The following CDH13 variants were observed in gnomAD, a reference collection of about 807,000 sequenced individuals.
CDH13 encodes the protein cadherin-13.
In CDH13, 24 loss-of-function variants were observed where a neutral mutation model predicts 63.8. The ratio of observed to expected loss-of-function variants is 0.38; its 90% CI spans 0.27 to 0.53. The LOEUF (loss-of-function observed/expected upper bound fraction) is 0.53, where lower values mean the gene tolerates loss of function less well. Ranked by LOEUF, CDH13 falls within the 20% of genes least tolerant of loss-of-function variation. The probability of loss-of-function intolerance (pLI) is 0.85; values close to 1 mark genes in which losing one functional copy is unlikely to be tolerated. For synonymous variants in CDH13, 503 were observed against 355.3 expected (o/e 1.42, Z -4.67); for missense variants, 1,049 against 903.1 (o/e 1.16, Z -2.07).
At chr16:83,036,963 G>T (rs192905156) in intron 3 of CDH13, among the ~76,000 whole-genome samples, 1 of 152,272 alleles carries the variant, frequency 6.6e-6, no homozygotes, top group East Asian at 1.9e-4. Context: ...CATGTGGGCA[G>T]ACAGGATGGA....
intron 10 of CDH13, among the ~76,000 whole-genome samples, chr16:83,699,820 G>A (rs1905945998): frequency 6.6e-6 from 1 of 152,298 alleles, no homozygotes; most frequent in Non-Finnish European, 1.5e-5. Context: ...CCATCCGTCT[G>A]TATTTCTCAC....
chr16:83,114,252 G>A (rs113149954), intron 3 of CDH13, among the ~76,000 whole-genome samples: 3,259 of 152,204 alleles, frequency 0.021, 115 homozygotes, highest in African/African-American at 0.075. Context: ...CGTCCCCAAC[G>A]CCTCTGATGT....
intron 3 of CDH13, among the ~76,000 whole-genome samples, chr16:83,061,065 T>C (rs7204370): frequency 0.29 from 44,656 of 152,064 alleles, 6,620 homozygotes; most frequent in Admixed American, 0.34. Flanking sequence ...ATACGGGGAC[T>C]AAGGTATTGC....
At chr16:82,980,899 T>G (rs1476350766) in intron 2 of CDH13, among the ~76,000 whole-genome samples, 1 of 152,204 alleles carries the variant, frequency 6.6e-6, no homozygotes, top group Admixed American at 6.5e-5. Context: ...TCTTATTGGC[T>G]GCTCCCGTTG....
chr16:83,175,221 G>A (rs1003988816), intron 4 of CDH13, among the ~76,000 whole-genome samples: 1 of 152,068 alleles, frequency 6.6e-6, no homozygotes, highest in South Asian at 2.1e-4. Context: ...TAAGATATTG[G>A]CATGGATACC....
chr16:82,690,627 G>A (rs77416599), intron 1 of CDH13, among the ~76,000 whole-genome samples: 1,944 of 152,296 alleles, frequency 0.013, 38 homozygotes, highest in African/African-American at 0.045. Context: ...GATGCCCAAA[G>A]CCTTTCATAT....
intron 4 of CDH13, among the ~76,000 whole-genome samples, chr16:83,169,420 C>G (rs1215051565): frequency 6.6e-6 from 1 of 152,046 alleles, no homozygotes; most frequent in Non-Finnish European, 1.5e-5. Context: ...CATAATCTGC[C>G]TGCCTCGGCT....
chr16:83,391,943 A>G (rs1027187352), intron 6 of CDH13, among the ~76,000 whole-genome samples: 1 of 152,160 alleles, frequency 6.6e-6, no homozygotes. Context: ...CCCCACCCAA[A>G]GACTGTTTAT....
intron 2 of CDH13, among the ~76,000 whole-genome samples, chr16:82,889,729 A>G (rs2041014276): frequency 6.6e-6 from 1 of 152,218 alleles, no homozygotes; most frequent in Non-Finnish European, 1.5e-5. Context: ...ACTTAATATT[A>G]TTGTAGAAAG....
At chr16:82,950,148 G>T (rs1189460948) in intron 2 of CDH13, among the ~76,000 whole-genome samples, 3 of 152,106 alleles carry the variant, frequency 2.0e-5, no homozygotes, top group Non-Finnish European at 4.4e-5. Context: ...TCAAGGTGTA[G>T]GTAGGGCTGG....
At chr16:83,404,655 A>G (rs2092015390) in intron 6 of CDH13, among the ~76,000 whole-genome samples, 1 of 152,246 alleles carries the variant, frequency 6.6e-6, no homozygotes, top group South Asian at 2.1e-4. Flanking sequence ...AAAGGAATAT[A>G]TAGTGAAAAT....
intron 1 of CDH13, among the ~76,000 whole-genome samples, chr16:82,641,592 T>G (rs1334701427): frequency 1.3e-5 from 2 of 152,240 alleles, no homozygotes; most frequent in African/African-American, 4.8e-5. Context: ...ATATTCTCAT[T>G]ACTTTTCAAC....
intron 1 of CDH13, among the ~76,000 whole-genome samples, chr16:82,816,444 A>G (rs2037714577): frequency 6.6e-6 from 1 of 152,158 alleles, no homozygotes. Context: ...AAGATGGCAA[A>G]GGCTATGGAG....
chr16:83,772,718 C>G (rs1405654745), intron 11 of CDH13: 1 of 152,200 alleles, frequency 6.6e-6, no homozygotes, highest in African/African-American at 2.4e-5. Flanking sequence ...CCATTCTTAT[C>G]ATTCATTTTT....
chr16:83,713,367 C>T (rs7200376), intron 10 of CDH13, among the ~76,000 whole-genome samples: 16,993 of 152,060 alleles, frequency 0.11, 976 homozygotes, highest in Admixed American at 0.14. Context: ...TCTTTGAGTC[C>T]GACTTATTTT....
chr16:82,835,099 A>G (rs1192077662), intron 1 of CDH13, among the ~76,000 whole-genome samples: 1 of 152,236 alleles, frequency 6.6e-6, no homozygotes, highest in Non-Finnish European at 1.5e-5. Flanking sequence ...AATATATTCA[A>G]GTAGTATCCC....
chr16:83,012,913 A>T (rs773595974), intron 2 of CDH13, among the ~76,000 whole-genome samples: 9 of 152,226 alleles, frequency 5.9e-5, no homozygotes, highest in Non-Finnish European at 1.2e-4. Context: ...AGGCAATACA[A>T]TACACATGCA....
chr16:83,071,138 G>A (rs891293171), intron 3 of CDH13, among the ~76,000 whole-genome samples: 10 of 152,086 alleles, frequency 6.6e-5, no homozygotes, highest in South Asian at 2.1e-4. Flanking sequence ...TAATTGCAAA[G>A]GGATCAGGAA....
intron 4 of CDH13, among the ~76,000 whole-genome samples, chr16:83,213,475 G>A (rs1346444616): frequency 1.3e-5 from 2 of 152,104 alleles, no homozygotes; most frequent in Admixed American, 1.3e-4. Flanking sequence ...TCTGAGCAGA[G>A]AAGGGTCAAG....
Sources: allele counts gnomAD v4.1 joint callset (sites outside exome capture counted in the v4.1 genomes callset), GRCh38; gene constraint gnomAD v4.1.1; transcripts MANE v1.5; gene names NCBI Gene and HGNC (gene_info 2026-07-23, HGNC 2026-07-21).